TECTA: variants seen among roughly 807,000 people sequenced by gnomAD.
TECTA encodes the protein alpha-tectorin.
A neutral mutation model predicts 216.8 loss-of-function variants in TECTA; 128 were observed. The observed-to-expected ratio is 0.59, with a 90% CI of 0.51 to 0.68. TECTA has a LOEUF of 0.68. TECTA is among the 30% of genes least tolerant of loss of function. The probability of loss-of-function intolerance (pLI) is 0.00; values close to 1 mark genes in which losing one functional copy is unlikely to be tolerated. For missense variants in TECTA, 2,551 were observed against 2,786.2 expected (o/e 0.92, Z 1.90); for synonymous variants, 1,089 against 1,117.1 (o/e 0.97, Z 0.50).
chr11:121,116,056 G>A (rs1011410938), intron 6 of TECTA, among the ~76,000 whole-genome samples: 1 of 152,192 alleles, frequency 6.6e-6, no homozygotes, highest in Non-Finnish European at 1.5e-5. Flanking sequence ...TTCGCTCTAA[G>A]GTAGGTCATG....
intron 19 of TECTA, 179 bp downstream of exon 19, chr11:121,168,396 AT>A: frequency 1.1e-5 from 10 of 940,032 alleles, no homozygotes; most frequent in Non-Finnish European, 1.7e-5. Context: ...CGATGGAAAT[AT>A]TCCATCTGTA....
In TECTA at chr11:121,145,861, C is replaced by T. The variant is rs986051481; in HGVS notation, c.3850C>T (p.Arg1284Cys). Residue 1284 changes from arginine to cysteine, a missense_variant, in exon 12 of 24, where the codon CGC becomes TGC. Arg to Cys is a radical substitution (Grantham distance 180). Around this residue, in one of 3 missense-constraint regions of TECTA, gnomAD observed 2,375 missense variants for 2,563.9 expected, o/e 0.93. Coordinates refer to ENST00000392793, the MANE Select transcript of TECTA (RefSeq NM_005422.4). ...CTTCTGCCAGGTGGGCTGTGGGGAC[C>T]GCTGTCCGTCCTGTGCCAAGGTGGA... ...DTFCQVGCGD[R>C]CPSCAKVEGF... is the part of the protein sequence containing the mutation. 1.2e-6 allele frequency: 2 copies of T among 1,614,234 alleles called. No homozygotes were observed. Among genetic ancestry groups the T allele is most frequent in the South Asian group, 1.1e-5 (1 of 91,084 alleles).
chr11:121,130,252 G>A (rs1267411430), intron 10 of TECTA, 41 bp downstream of exon 10: 2 of 1,593,524 alleles, frequency 1.3e-6, no homozygotes, highest in African/African-American at 1.3e-5. Context: ...TTCTAGCTGG[G>A]AAATAGGTGC....
chr11:121,124,564 C>T (rs56018247), intron 7 of TECTA, among the ~76,000 whole-genome samples: 44 of 152,330 alleles, frequency 2.9e-4, no homozygotes, highest in African/African-American at 1.0e-3. Flanking sequence ...CCATTTTATC[C>T]TCTATTGACT....
rs200130858 is a variant in TECTA at position 121,102,633 on chromosome 11, A to AT, written c.-1-23dup. ...TTCTGTTTACTCTGGCAAGCTGGGG[A>AT]TTTTTTTTTCATTTTCTTTTTAAAA... On this transcript the variant is annotated intron_variant, in intron 1 of 23. Transcript: ENST00000392793. 6.1e-4 allele frequency: 954 copies of AT among 1,551,684 alleles called. 3 individuals carry two copies. Among genetic ancestry groups the AT allele is most frequent in the East Asian group, 1.4e-3 (64 of 44,334 alleles).
intron 18 of TECTA, among the ~76,000 whole-genome samples, 160 bp from the exon 19 acceptor site, chr11:121,167,894 C>G (rs1449669198): frequency 6.6e-6 from 1 of 151,758 alleles, no homozygotes; most frequent in Admixed American, 6.6e-5. Context: ...TTTTTTTTCC[C>G]CCAAGTAAAT....
chr11:121,153,599 T>C (rs528435816), intron 13 of TECTA, among the ~76,000 whole-genome samples: 4 of 152,282 alleles, frequency 2.6e-5, no homozygotes, highest in Admixed American at 6.5e-5. Context: ...CGTGTGCCAT[T>C]TGTCACTGTG....
intron 10 of TECTA, among the ~76,000 whole-genome samples, chr11:121,134,052 G>A (rs1240627744): frequency 6.6e-6 from 1 of 151,988 alleles, no homozygotes; most frequent in Non-Finnish European, 1.5e-5. Context: ...CTCTGGATTG[G>A]CCTGTAGGAT....
At chr11:121,158,276 G>C (rs1158727201) in intron 14 of TECTA, 52 bp downstream of exon 14, 6 of 1,602,558 alleles carry the variant, frequency 3.7e-6, no homozygotes, top group Non-Finnish European at 5.1e-6. Flanking sequence ...CAAGGGGTTG[G>C]CTAGGGGACT....
At chr11:121,169,145 A>G (rs1947086489) in intron 20 of TECTA, among the ~76,000 whole-genome samples, 1 of 152,208 alleles carries the variant, frequency 6.6e-6, no homozygotes, top group African/African-American at 2.4e-5. Flanking sequence ...TCACACAGAA[A>G]TATATTGGTA....
chr11:121,123,540 G>A (rs545058529), intron 7 of TECTA, among the ~76,000 whole-genome samples: 12 of 152,110 alleles, frequency 7.9e-5, no homozygotes, highest in Non-Finnish European at 1.6e-4. Flanking sequence ...ATTTCTTCAC[G>A]CTAGCCAGAA....
At chr11:121,124,535 A>G (rs1017750532) in intron 7 of TECTA, among the ~76,000 whole-genome samples, 2 of 152,242 alleles carry the variant, frequency 1.3e-5, no homozygotes, top group African/African-American at 2.4e-5. Context: ...GCTGGATTCA[A>G]TGTTCATTTA....
At chr11:121,160,986 A>G (rs958410385) in intron 15 of TECTA, among the ~76,000 whole-genome samples, 1 of 152,222 alleles carries the variant, frequency 6.6e-6, no homozygotes, top group African/African-American at 2.4e-5. Context: ...TTTTAAATTT[A>G]GGGCCCCTCA....
At chr11:121,165,168 C>T (rs1325369487) in intron 16 of TECTA, 105 bp from the exon 17 acceptor site, 3 of 1,088,346 alleles carry the variant, frequency 2.8e-6, no homozygotes, top group African/African-American at 1.6e-5. Context: ...GCCATCTGAC[C>T]ATTTCCAATG....
Position 121,113,637 on chromosome 11 carries a change from A to G in TECTA, c.709A>G (p.Thr237Ala). 6.2e-7 allele frequency: 1 copy of G among 1,613,970 alleles called. No homozygotes were observed. The highest frequency in any genetic ancestry group is 1.1e-5 in the South Asian group (1 of 91,052). Residue 237 changes from threonine to alanine, a missense_variant, in exon 6 of 24, where the codon ACA (threonine) becomes GCA (alanine). This residue lies in a region of TECTA where 2,375 missense variants were observed against 2,563.9 expected (regional missense o/e 0.93). Transcript: ENST00000392793. This position sits in a 1 kb window ranked among gnomAD's most constrained non-coding sequence, Gnocchi z 4.2. ...TPEIVNIQET[T>A]NVNVPGRWAF... Reference sequence around the variant, plus strand: ...CGAGATCGTGAATATCCAGGAGACCACAAACGTCAATGTTCCAGGCCGCTG... The same window carrying G: ...CGAGATCGTGAATATCCAGGAGACCGCAAACGTCAATGTTCCAGGCCGCTG...
At chr11:121,117,822 A>T (rs1946514912) in intron 6 of TECTA, among the ~76,000 whole-genome samples, 1 of 152,242 alleles carries the variant, frequency 6.6e-6, no homozygotes. Context: ...GATTAGTGCT[A>T]TTGACCTTTT....
At chr11:121,177,018 A>G (rs1183291092) in intron 20 of TECTA, among the ~76,000 whole-genome samples, 1 of 152,134 alleles carries the variant, frequency 6.6e-6, no homozygotes, top group Non-Finnish European at 1.5e-5. Flanking sequence ...CTTGGCTTTC[A>G]GCTCCATCAG....
At position 121,118,365 on chromosome 11, in the gene TECTA, C is replaced by G. The variant is rs1176214445; in HGVS notation, c.850C>G (p.Arg284Gly). ...TGACTTGAACTGCACCGTCAAGTGC[C>G]GCTGTCTGGATTTCAACAATGAGAT... ...WDDLNCTVKCRCLDFNNEIYC... is the reference protein window; with the variant it reads ...WDDLNCTVKCGCLDFNNEIYC... The change falls in exon 7 of 24, where the codon CGC (arginine) becomes GGC (glycine). Residue 284 changes from arginine (R) to glycine (G), a missense_variant. Arg to Gly is a moderately radical substitution (Grantham distance 125). Around this residue, in one of 3 missense-constraint regions of TECTA, gnomAD observed 2,375 missense variants for 2,563.9 expected, o/e 0.93. Coordinates refer to ENST00000392793, the MANE Select transcript of TECTA (RefSeq NM_005422.4). 1.9e-6 allele frequency: 3 copies of G among 1,614,110 alleles called. No individual in the cohort carries two copies. The highest frequency in any genetic ancestry group is 1.3e-5 in the African/African-American group (1 of 75,024).
intron 10 of TECTA, among the ~76,000 whole-genome samples, chr11:121,135,425 T>C (rs935005773): frequency 6.6e-6 from 1 of 152,246 alleles, no homozygotes; most frequent in Admixed American, 6.5e-5. Flanking sequence ...TAAGTCATGT[T>C]ATTTGCTATC....
Sources: gnomAD v4.1 joint callset for allele counts (sites outside exome capture counted in the v4.1 genomes callset) on GRCh38, gnomAD v4.1.1 for gene constraint, gnomAD v4.1.1 regional missense constraint, Gnocchi (gnomAD v3.1) non-coding constraint, MANE v1.5 for transcripts, NCBI Gene and HGNC (gene_info 2026-07-23, HGNC 2026-07-21) for gene names.